The following MAP2K1 variants were observed in gnomAD, a reference collection of about 807,000 sequenced individuals.
The protein encoded by MAP2K1 is dual specificity mitogen-activated protein kinase kinase 1.
A neutral mutation model predicts 46.3 loss-of-function variants in MAP2K1; 16 were observed. That is an observed-to-expected ratio of 0.35 (90% CI 0.23 to 0.52). MAP2K1 has a LOEUF of 0.52. Among genes scored for constraint, MAP2K1 ranks in the 20% least tolerant of loss-of-function variants. The pLI, the probability that MAP2K1 is intolerant of heterozygous loss-of-function variation, is 0.94. For synonymous variants in MAP2K1, 183 were observed against 185.6 expected, an observed-to-expected ratio of 0.99 and a Z score of 0.11; for missense variants, 263 against 497.1, an observed-to-expected ratio of 0.53 and a Z score of 4.48.
At chr15:66,440,088 C>T (rs1188774558) in intron 3 of MAP2K1, among the ~76,000 whole-genome samples, 7 of 147,896 alleles carry the variant, frequency 4.7e-5, no homozygotes, top group Non-Finnish European at 7.4e-5. Flanking sequence ...GCGTGGGGTT[C>T]TGTTTTTGTT....
chr15:66,413,610 T>G (rs2093416727), intron 1 of MAP2K1, among the ~76,000 whole-genome samples: 2 of 135,154 alleles, frequency 1.5e-5, no homozygotes, highest in African/African-American at 2.8e-5. Context: ...CTCATCCATT[T>G]CTGTATTGTA....
At chr15:66,419,897 A>G in intron 1 of MAP2K1, among the ~76,000 whole-genome samples, 1 of 40,172 alleles carries the variant, frequency 2.5e-5, no homozygotes, top group African/African-American at 4.2e-5. Context: ...TTATGACATA[A>G]ACAAAAAAAA....
At position 66,401,942 on chromosome 15, in the gene MAP2K1, G is replaced by A. The variant is rs1008939536; in HGVS notation, c.80+14515G>A. 5 of 1,340,476 alleles carry A rather than the reference G, an allele frequency of 3.7e-6. No homozygotes were observed. The African/African-American group carries it at 7.3e-5, about 20-fold the overall frequency. The allele number at this position is 1,340,476 out of a possible 1,614,324, so 83.0% of individuals were successfully genotyped here. On this transcript the variant is annotated intron_variant, in intron 1 of 10. Transcript: ENST00000307102. ...GGTTCGGGTCGAAGGAAATGAAGCT[G>A]GAGAGGTAGGCTGAGGTGGTTTTGT... is the stretch of plus-strand genomic sequence containing the variant.
chr15:66,402,793 A>G (rs2093385490), intron 1 of MAP2K1, among the ~76,000 whole-genome samples: 1 of 152,124 alleles, frequency 6.6e-6, no homozygotes, highest in South Asian at 2.1e-4. Context: ...ATGCATTTGT[A>G]GATTTACTAG....
intron 5 of MAP2K1, among the ~76,000 whole-genome samples, chr15:66,473,778 A>G (rs1384492469): frequency 6.6e-6 from 1 of 152,158 alleles, no homozygotes; most frequent in Non-Finnish European, 1.5e-5. Flanking sequence ...CCCGGGTTCA[A>G]TGAGTTCTCA....
chr15:66,405,462 G>C (rs1301752494), intron 1 of MAP2K1, among the ~76,000 whole-genome samples: 2 of 152,172 alleles, frequency 1.3e-5, no homozygotes, highest in African/African-American at 4.8e-5. Context: ...TATTAGTGCT[G>C]GTCTAGAGGT....
chr15:66,491,297 T>C lies in MAP2K1; in HGVS notation c.*682T>C, dbSNP rs1893249232. The C allele has an allele frequency of 4.3e-6, 1 of 234,728 alleles. No individual in the cohort carries two copies. Among genetic ancestry groups the C allele is most frequent in the Non-Finnish European group, 8.4e-6 (1 of 118,786 alleles). 14.5% of individuals were successfully genotyped at this position (234,728 alleles called of 1,614,324 possible). On this transcript the variant is annotated 3_prime_UTR_variant, in exon 11 of 11. Transcript: ENST00000307102. ...GTATACTGTGTGGGATACTTAGTGG[T>C]ATGTCTCTTTAAGTTTTGATTAATG... is the stretch of plus-strand genomic sequence containing the variant.
chr15:66,429,409 A>G (rs911398005), intron 1 of MAP2K1, among the ~76,000 whole-genome samples: 13 of 152,138 alleles, frequency 8.5e-5, no homozygotes, highest in Non-Finnish European at 5.9e-5. Context: ...TCCCTCTCTC[A>G]ACACATGGGG....
Position 66,441,324 on chromosome 15 carries a change from C to T in MAP2K1, c.439-1956C>T, listed in dbSNP as rs373012216. Reference sequence around the variant, plus strand: ...ACCAACCCCCAGGGGAAGTGTAAACCAAGACAGTTATCTGGGCTGCCCCCT... The same window carrying T: ...ACCAACCCCCAGGGGAAGTGTAAACTAAGACAGTTATCTGGGCTGCCCCCT... On this transcript the variant is annotated intron_variant, in intron 3 of 10. Transcript: ENST00000307102. Among the ~76,000 whole-genome samples the T allele has an allele frequency of 7.2e-4, 110 of 152,248 alleles. 4 individuals carry two copies. The South Asian group carries it at 0.022, about 30-fold the overall frequency.
chr15:66,398,962 G>A (rs962581094), intron 1 of MAP2K1, among the ~76,000 whole-genome samples: 1 of 151,986 alleles, frequency 6.6e-6, no homozygotes, highest in Non-Finnish European at 1.5e-5. Flanking sequence ...TAGAAGAGAC[G>A]GTGTTTCACC....
At chr15:66,477,501 G>C (rs1419750890) in intron 5 of MAP2K1, among the ~76,000 whole-genome samples, 1 of 152,170 alleles carries the variant, frequency 6.6e-6, no homozygotes, top group Non-Finnish European at 1.5e-5. Context: ...CATCAATCCT[G>C]GTCTGTAACT....
chr15:66,393,810 G>C (rs1320504642), intron 1 of MAP2K1, among the ~76,000 whole-genome samples: 1 of 152,130 alleles, frequency 6.6e-6, no homozygotes, highest in East Asian at 1.9e-4. Flanking sequence ...TGGAAAGCTT[G>C]TCTCTCAAAT....
chr15:66,433,818 A>G, intron 1 of MAP2K1, among the ~76,000 whole-genome samples: 1 of 152,164 alleles, frequency 6.6e-6, no homozygotes, highest in East Asian at 1.9e-4. Flanking sequence ...CGGGACTTCA[A>G]TTTGAAACCC....
rs2093484385 is a variant in MAP2K1 at position 66,435,133 on chromosome 15, C to T, written c.187C>T (p.Leu63=). ...TACCCAGAAGCAGAAGGTGGGAGAACTGAAGGATGACGACTTTGAGAAGAT... is the reference window on the plus strand; with the variant it reads ...TACCCAGAAGCAGAAGGTGGGAGAATTGAAGGATGACGACTTTGAGAAGAT... ...FLTQKQKVGE[L]KDDDFEKISE... The change falls in exon 2 of 11, where the codon CTG becomes TTG. Residue 63 remains leucine, a synonymous_variant. Transcript: ENST00000307102. 1.2e-6 allele frequency: 2 copies of T among 1,613,966 alleles called. No individual in the cohort carries two copies. The highest frequency in any genetic ancestry group is 2.2e-5 in the South Asian group (2 of 91,078).
At chr15:66,472,690 T>A (rs1372299560) in intron 5 of MAP2K1, among the ~76,000 whole-genome samples, 1 of 152,262 alleles carries the variant, frequency 6.6e-6, no homozygotes, top group Non-Finnish European at 1.5e-5. Context: ...CTTTAAATTG[T>A]CAAACACATT....
chr15:66,490,441 T>C (rs773058816), intron 10 of MAP2K1, 61 bp from the exon 11 acceptor site: 12 of 1,219,680 alleles, frequency 9.8e-6, no homozygotes, highest in Non-Finnish European at 1.5e-5. Context: ...TTTTCCTTCC[T>C]GGTGGGTTTT....
intron 3 of MAP2K1, 68 bp from the exon 4 acceptor site, chr15:66,443,212 C>A: frequency 9.4e-7 from 1 of 1,068,444 alleles, no homozygotes; most frequent in Middle Eastern, 2.0e-4. Flanking sequence ...TCAGCCACAG[C>A]CGAAAGTTAT....
chr15:66,460,566 G>T (rs1455267451), intron 5 of MAP2K1, among the ~76,000 whole-genome samples: 2 of 152,180 alleles, frequency 1.3e-5, no homozygotes, highest in African/African-American at 4.8e-5. Context: ...GTAAGAAATA[G>T]TTGAAGCAGT....
intron 5 of MAP2K1, among the ~76,000 whole-genome samples, chr15:66,458,575 G>A (rs578151182): frequency 1.3e-5 from 2 of 152,308 alleles, no homozygotes; most frequent in South Asian, 4.1e-4. Context: ...GGAATGTGGT[G>A]GTGCGATCAT....
Sources: gnomAD v4.1 joint callset for allele counts (sites outside exome capture counted in the v4.1 genomes callset) on GRCh38, gnomAD v4.1.1 for gene constraint, MANE v1.5 for transcripts, NCBI Gene and HGNC (gene_info 2026-07-23, HGNC 2026-07-21) for gene names.